CCDC88C: variants seen among roughly 807,000 people sequenced by gnomAD.
CCDC88C encodes protein Daple.
A neutral mutation model predicts 198.8 loss-of-function variants in CCDC88C; 131 were observed. The observed-to-expected ratio is 0.66, with a 90% CI of 0.57 to 0.76. The LOEUF is 0.76. Among genes scored for constraint, CCDC88C ranks in the 30% least tolerant of loss-of-function variants. The pLI, the probability that CCDC88C is intolerant of heterozygous loss-of-function variation, is 0.00. For synonymous variants in CCDC88C, 1,166 were observed against 1,114.7 expected (o/e 1.05, Z -0.92); for missense variants, 2,553 against 2,631.6 (o/e 0.97, Z 0.65).
chr14:91,333,013 C>T (rs1892898850), intron 10 of CCDC88C, among the ~76,000 whole-genome samples: 1 of 152,124 alleles, frequency 6.6e-6, no homozygotes, highest in African/African-American at 2.4e-5. Flanking sequence ...GTCGGGGGTG[C>T]GGAAAGAAGC....
chr14:91,386,514 C>A (rs1885155298), intron 3 of CCDC88C, among the ~76,000 whole-genome samples: 1 of 152,176 alleles, frequency 6.6e-6, no homozygotes, highest in African/African-American at 2.4e-5. Flanking sequence ...GTAGAACCGA[C>A]AGGGCCTGTG....
intron 2 of CCDC88C, among the ~76,000 whole-genome samples, chr14:91,409,406 C>A (rs1886686172): frequency 6.8e-6 from 1 of 148,140 alleles, no homozygotes; most frequent in African/African-American, 2.5e-5. Context: ...TCTCGAACTC[C>A]TCAAGCCATC....
At chr14:91,299,835 G>A (rs1891188182) in intron 21 of CCDC88C, 92 bp downstream of exon 21, 16 of 1,403,750 alleles carry the variant, frequency 1.1e-5, no homozygotes, top group African/African-American at 1.4e-5. Context: ...ACGATCGCCA[G>A]GGGACTTGAA....
rs530318279 is a variant in CCDC88C at position 91,279,704 on chromosome 14, A to G, written c.4700-398T>C. ...TACTGCACAGAGCTTTCTGGAACAC[A>G]TGTGGACAGCCGAGGCCGAGGCCAC... On this transcript the variant is annotated intron_variant, in intron 27 of 29. Transcript: ENST00000389857. The G allele has an allele frequency of 1.8e-3, 303 of 164,682 alleles. 4 individuals carry two copies. Among genetic ancestry groups the G allele is most frequent in the Non-Finnish European group, 2.0e-3 (151 of 75,950 alleles). The allele number at this position is 164,682 out of a possible 1,614,324, so 10.2% of individuals were successfully genotyped here.
At chr14:91,333,357 TTCG>T (rs1196405227) in intron 10 of CCDC88C, among the ~76,000 whole-genome samples, 1 of 152,238 alleles carries the variant, frequency 6.6e-6, no homozygotes, top group Non-Finnish European at 1.5e-5. Flanking sequence ...TGTTACCATT[TTCG>T]TCGTCTGTGA....
chr14:91,319,079 G>A (rs1892237202), intron 13 of CCDC88C, among the ~76,000 whole-genome samples: 2 of 152,180 alleles, frequency 1.3e-5, no homozygotes, highest in African/African-American at 4.8e-5. Context: ...TGCCCATCCT[G>A]CATGGCAGTC....
At chr14:91,373,148 G>T (rs1894902488) in intron 3 of CCDC88C, among the ~76,000 whole-genome samples, 1 of 152,096 alleles carries the variant, frequency 6.6e-6, no homozygotes, top group South Asian at 2.1e-4. Context: ...CCAGCCCCTG[G>T]GCTCAGGACC....
chr14:91,296,913 T>G lies in CCDC88C; in HGVS notation c.3966+392A>C, dbSNP rs558269796. 2.6e-5 allele frequency among the ~76,000 whole-genome samples: 4 copies of G among 152,192 alleles called. No individual in the cohort carries two copies. The East Asian group carries it at 7.7e-4, about 29-fold the overall frequency. ...GGAAGCCAGGGACTCCCGAGTGAGC[T>G]CCGTCCCAGAGGCAGCCACACCCCA... On this transcript the variant is annotated intron_variant, in intron 22 of 29. Coordinates refer to ENST00000389857, the MANE Select transcript of CCDC88C (RefSeq NM_001080414.4).
intron 1 of CCDC88C, chr14:91,417,417 C>T (rs1049525924): frequency 5.2e-6 from 3 of 573,268 alleles, no homozygotes; most frequent in African/African-American, 4.0e-5. Flanking sequence ...GCGGCGGGGT[C>T]CCGCGCCGGA....
At chr14:91,294,028 G>A (rs973292182) in intron 23 of CCDC88C, 145 bp downstream of exon 23, 52 of 832,610 alleles carry the variant, frequency 6.2e-5, no homozygotes, top group Middle Eastern at 3.7e-4. Flanking sequence ...AGGGCAGTCC[G>A]TGCTGGTGAT....
At chr14:91,330,095 G>A (rs1308024334) in intron 10 of CCDC88C, among the ~76,000 whole-genome samples, 1 of 152,266 alleles carries the variant, frequency 6.6e-6, no homozygotes, top group Admixed American at 6.5e-5. Flanking sequence ...GGTGCATGGG[G>A]CACAGAGGAC....
chr14:91,320,932 C>T (rs958891855), intron 13 of CCDC88C, among the ~76,000 whole-genome samples, 188 bp downstream of exon 13: 7 of 152,218 alleles, frequency 4.6e-5, no homozygotes, highest in Admixed American at 3.3e-4. Flanking sequence ...CCTCCTCTGG[C>T]TCTCCCCAGT....
chr14:91,389,503 A>G (rs1164246149), intron 3 of CCDC88C, among the ~76,000 whole-genome samples: 1 of 152,200 alleles, frequency 6.6e-6, no homozygotes, highest in Non-Finnish European at 1.5e-5. Context: ...AGGACTATCC[A>G]TCATCAACAG....
At chr14:91,304,026 A>T (rs775114391) in intron 19 of CCDC88C, 48 bp from the exon 20 acceptor site, 4 of 1,575,836 alleles carry the variant, frequency 2.5e-6, no homozygotes, top group East Asian at 2.3e-5. Context: ...ACAGTCAGCG[A>T]GGAGGGCTGG....
chr14:91,402,535 C>T (rs1177598783), intron 3 of CCDC88C, among the ~76,000 whole-genome samples: 2 of 152,086 alleles, frequency 1.3e-5, no homozygotes, highest in Non-Finnish European at 2.9e-5. Context: ...GTATAGTGTG[C>T]ACACACGCAT....
chr14:91,382,850 C>T (rs1476901292), intron 3 of CCDC88C, among the ~76,000 whole-genome samples: 1 of 152,114 alleles, frequency 6.6e-6, no homozygotes, highest in Non-Finnish European at 1.5e-5. Flanking sequence ...CTCTCAGGGC[C>T]CAGGTGTCAT....
At chr14:91,276,022 G>A (rs1005500879) in intron 29 of CCDC88C, among the ~76,000 whole-genome samples, 4 of 151,470 alleles carry the variant, frequency 2.6e-5, no homozygotes, top group African/African-American at 9.7e-5. Flanking sequence ...GGGTTTCACC[G>A]TGTTAGCCAG....
rs1884763862 is a variant in CCDC88C at position 91,381,083 on chromosome 14, G to C, written c.271-21372C>G. ...CAGTGTGTGCCCTGGTCCACCCTCT[G>C]TTTAACCCACTGAAAGCCACTGGTC... On this transcript the variant is annotated intron_variant, in intron 3 of 29. Coordinates refer to ENST00000389857, the MANE Select transcript of CCDC88C (RefSeq NM_001080414.4). The surrounding 1 kb of genome is among the most constrained non-coding windows in gnomAD (Gnocchi z 4.2). Among the ~76,000 whole-genome samples the C allele has an allele frequency of 6.6e-6, 1 of 152,120 alleles. No homozygotes were observed. The highest frequency in any genetic ancestry group is 1.5e-5 in the Non-Finnish European group (1 of 68,002).
In CCDC88C at chr14:91,417,046, G is replaced by A. The variant is rs1046376826; in HGVS notation, c.61-208C>T. The A allele has an allele frequency of 1.0e-5, 7 of 700,814 alleles. No individual in the cohort carries two copies. In the African/African-American group the frequency reaches 1.0e-4, roughly 11 times the overall value. 43.4% of individuals were successfully genotyped at this position (700,814 alleles called of 1,614,324 possible). On this transcript the variant is annotated intron_variant, in intron 1 of 29. Coordinates refer to ENST00000389857, the MANE Select transcript of CCDC88C (RefSeq NM_001080414.4). Reference sequence around the variant, plus strand: ...GCGGGGCAACAGACACGAGACAGGAGGAAAAACTTCCTCGCCACTTTTCTC... The same window carrying A: ...GCGGGGCAACAGACACGAGACAGGAAGAAAAACTTCCTCGCCACTTTTCTC...
Sources: gnomAD v4.1 joint callset for allele counts (sites outside exome capture counted in the v4.1 genomes callset) on GRCh38, gnomAD v4.1.1 for gene constraint, Gnocchi (gnomAD v3.1) non-coding constraint, MANE v1.5 for transcripts, NCBI Gene and HGNC (gene_info 2026-07-23, HGNC 2026-07-21) for gene names.